ADCK1: variants seen among roughly 807,000 people sequenced by gnomAD.
The protein encoded by ADCK1 is aarF domain containing kinase 1, also known as aarF domain-containing protein kinase 1.
Under a neutral mutation model 52.3 loss-of-function variants are expected in ADCK1, and 41 were observed. The ratio of observed to expected loss-of-function variants is 0.78; its 90% CI spans 0.61 to 1.02. ADCK1 has a LOEUF of 1.02. Among genes scored for constraint, ADCK1 ranks in the 50% least tolerant of loss-of-function variants. The pLI, the probability that ADCK1 is intolerant of heterozygous loss-of-function variation, is 0.00. For missense variants in ADCK1, 658 were observed against 679.5 expected, an observed-to-expected ratio of 0.97 and a Z score of 0.35; for synonymous variants, 250 against 274.6, an observed-to-expected ratio of 0.91 and a Z score of 0.89.
intron 4 of ADCK1, among the ~76,000 whole-genome samples, chr14:77,868,784 G>C (rs2082715377): frequency 6.6e-6 from 1 of 152,190 alleles, no homozygotes; most frequent in South Asian, 2.1e-4. Context: ...CTTACCTAGA[G>C]AATACAGATT....
At position 77,931,597 on chromosome 14, in the gene ADCK1, T is replaced by G. The variant is rs904079150; in HGVS notation, c.1286T>G (p.Leu429Arg). ...HLLNHVPRQM[L>R]LILKTNDLLR... ...CTCAACCACGTGCCGCGCCAGATGC[T>G]GCTCATCTTGAAGACCAACGACCTG... Residue 429 changes from leucine (L) to arginine (R), a missense_variant, in exon 10 of 11, where the codon CTG becomes CGG. Coordinates refer to ENST00000238561, the MANE Select transcript of ADCK1 (RefSeq NM_020421.4). 6.2e-7 allele frequency: 1 copy of G among 1,613,878 alleles called. No homozygotes were observed. Among genetic ancestry groups the G allele is most frequent in the Non-Finnish European group, 8.5e-7 (1 of 1,180,040 alleles).
chr14:77,869,041 G>A (rs1042198917), intron 4 of ADCK1, among the ~76,000 whole-genome samples: 3 of 152,164 alleles, frequency 2.0e-5, no homozygotes, highest in Admixed American at 2.0e-4. Flanking sequence ...AAGATTTGAG[G>A]AGGGGAATTC....
At chr14:77,872,437 G>C (rs984024169) in intron 4 of ADCK1, among the ~76,000 whole-genome samples, 1 of 152,146 alleles carries the variant, frequency 6.6e-6, no homozygotes, top group Non-Finnish European at 1.5e-5. Flanking sequence ...CTCCGGGCTG[G>C]CCTCTGACCT....
At chr14:77,810,386 C>T (rs183245150) in intron 1 of ADCK1, among the ~76,000 whole-genome samples, 4 of 151,806 alleles carry the variant, frequency 2.6e-5, no homozygotes, top group Non-Finnish European at 5.9e-5. Flanking sequence ...AAGTGCTGGG[C>T]TTAATGGCAT....
intron 3 of ADCK1, among the ~76,000 whole-genome samples, chr14:77,854,189 A>C (rs542070285): frequency 6.6e-6 from 1 of 152,288 alleles, no homozygotes; most frequent in East Asian, 1.9e-4. Context: ...TCTAAGATGG[A>C]GAAGACTGGG....
At chr14:77,905,261 G>A (rs1257304117) in intron 6 of ADCK1, among the ~76,000 whole-genome samples, 1 of 146,370 alleles carries the variant, frequency 6.8e-6, no homozygotes, top group Non-Finnish European at 1.5e-5. Flanking sequence ...AGAAGCTCCA[G>A]CCTGTGGGAT....
At chr14:77,893,990 C>G (rs2083341287) in intron 5 of ADCK1, among the ~76,000 whole-genome samples, 1 of 152,190 alleles carries the variant, frequency 6.6e-6, no homozygotes, top group Non-Finnish European at 1.5e-5. Flanking sequence ...GCCTCGGCCT[C>G]CCAAAGTGCT....
chr14:77,933,945 C>T lies in ADCK1; in HGVS notation c.*554C>T, dbSNP rs577835852. On this transcript the variant is annotated 3_prime_UTR_variant, in exon 11 of 11. Coordinates refer to ENST00000238561, the MANE Select transcript of ADCK1 (RefSeq NM_020421.4). Reference sequence around the variant, plus strand: ...TACTGTGTTTCAATAAAAACTCCTTCAAGGTTGCAGGATTTGTCCATCATA... The same window carrying T: ...TACTGTGTTTCAATAAAAACTCCTTTAAGGTTGCAGGATTTGTCCATCATA... The T allele has an allele frequency of 3.3e-5, 5 of 152,998 alleles. No homozygotes were observed. The highest frequency in any genetic ancestry group is 9.6e-5 in the African/African-American group (4 of 41,578). 9.5% of individuals were successfully genotyped at this position (152,998 alleles called of 1,614,324 possible). A position where few individuals can be genotyped will look rare whatever the true frequency, so the allele number is the denominator to read the frequency against.
intron 4 of ADCK1, among the ~76,000 whole-genome samples, chr14:77,868,437 C>T (rs959089985): frequency 1.3e-5 from 2 of 152,212 alleles, no homozygotes; most frequent in Non-Finnish European, 1.5e-5. Flanking sequence ...CTTGCATTGT[C>T]CTTGGGACCT....
chr14:77,820,042 A>C (rs2081546662), intron 2 of ADCK1, among the ~76,000 whole-genome samples: 1 of 152,182 alleles, frequency 6.6e-6, no homozygotes, highest in Non-Finnish European at 1.5e-5. Context: ...ACAATTCCCA[A>C]GTGTTTACCG....
rs567079912 is a variant in ADCK1, at chr14:77,906,742, C to T, written c.742-1061C>T. On this transcript the variant is annotated intron_variant, in intron 6 of 10. Coordinates refer to ENST00000238561, the MANE Select transcript of ADCK1 (RefSeq NM_020421.4). ...CAACAGTCACATTCACATTCACTTTCGAGGCAAGAAGAGAAGTGGAAGAAG... is the reference window on the plus strand; with the variant it reads ...CAACAGTCACATTCACATTCACTTTTGAGGCAAGAAGAGAAGTGGAAGAAG... 2.2e-4 allele frequency among the ~76,000 whole-genome samples: 33 copies of T among 152,164 alleles called. No individual in the cohort carries two copies. In the South Asian group the frequency reaches 6.7e-3, roughly 31 times the overall value.
chr14:77,919,780 C>T (rs934836953), intron 7 of ADCK1, among the ~76,000 whole-genome samples: 1 of 152,184 alleles, frequency 6.6e-6, no homozygotes, highest in Non-Finnish European at 1.5e-5. Context: ...GCCATTCTTT[C>T]AGGAGTAAGG....
intron 8 of ADCK1, among the ~76,000 whole-genome samples, 161 bp downstream of exon 8, chr14:77,924,767 G>C (rs1014935166): frequency 2.0e-5 from 3 of 152,248 alleles, no homozygotes; most frequent in African/African-American, 7.2e-5. Flanking sequence ...CTGTCACAGA[G>C]CTCTCAGAGC....
intron 4 of ADCK1, among the ~76,000 whole-genome samples, chr14:77,877,411 G>A (rs960549861): frequency 8.5e-5 from 13 of 152,202 alleles, no homozygotes; most frequent in African/African-American, 2.9e-4. Flanking sequence ...GAGGGTTGTC[G>A]GAAAAGGCCT....
At chr14:77,929,548 T>C (rs1396279143) in intron 9 of ADCK1, among the ~76,000 whole-genome samples, 1 of 152,234 alleles carries the variant, frequency 6.6e-6, no homozygotes. Flanking sequence ...AAACCAGTCA[T>C]GTGGCAAGGG....
chr14:77,912,753 T>C (rs1425383276), intron 7 of ADCK1, among the ~76,000 whole-genome samples: 1 of 152,126 alleles, frequency 6.6e-6, no homozygotes, highest in Non-Finnish European at 1.5e-5. Context: ...GGGACCCCTC[T>C]TGAGGTGGGT....
At chr14:77,876,442 C>T (rs2082900939) in intron 4 of ADCK1, among the ~76,000 whole-genome samples, 1 of 152,212 alleles carries the variant, frequency 6.6e-6, no homozygotes, top group Non-Finnish European at 1.5e-5. Flanking sequence ...TTCATCTTTC[C>T]ACCTCAAAAG....
At chr14:77,926,258 C>T (rs891259696) in intron 9 of ADCK1, among the ~76,000 whole-genome samples, 1 of 152,206 alleles carries the variant, frequency 6.6e-6, no homozygotes, top group Non-Finnish European at 1.5e-5. Context: ...TTAGCTCTGA[C>T]CTGCTCACAC....
intron 7 of ADCK1, among the ~76,000 whole-genome samples, chr14:77,913,839 C>T (rs1322308292): frequency 6.6e-6 from 1 of 152,022 alleles, no homozygotes; most frequent in African/African-American, 2.4e-5. Context: ...CCTGGCTGTC[C>T]CAGAGACGTG....
Sources: allele counts gnomAD v4.1 joint callset (sites outside exome capture counted in the v4.1 genomes callset), GRCh38; gene constraint gnomAD v4.1.1; transcripts MANE v1.5; gene names NCBI Gene and HGNC (gene_info 2026-07-23, HGNC 2026-07-21).